SH3RF3: variants seen among roughly 807,000 people sequenced by gnomAD.
SH3RF3 encodes SH3 domain containing ring finger 3, also known as E3 ubiquitin-protein ligase SH3RF3.
A neutral mutation model predicts 66.3 loss-of-function variants in SH3RF3; 29 were observed. The ratio of observed to expected loss-of-function variants is 0.44; its 90% CI spans 0.33 to 0.60. SH3RF3 has a LOEUF of 0.60. Ranked by LOEUF, SH3RF3 falls within the 20% of genes least tolerant of loss-of-function variation. The pLI is 0.04. For missense variants in SH3RF3, 1,194 were observed against 1,190.9 expected (o/e 1.00, Z -0.04); for synonymous variants, 583 against 532.0 (o/e 1.10, Z -1.32).
intron 1 of SH3RF3, among the ~76,000 whole-genome samples, chr2:109,224,219 G>T (rs187525217): frequency 1.3e-5 from 2 of 152,270 alleles, no homozygotes; most frequent in East Asian, 3.9e-4. Context: ...TTTAAACTTG[G>T]CTTGAATAGC....
chr2:109,496,066 G>A (rs1022505615), intron 9 of SH3RF3, among the ~76,000 whole-genome samples: 2 of 152,148 alleles, frequency 1.3e-5, no homozygotes, highest in African/African-American at 4.8e-5. Context: ...GTTGCCCTGG[G>A]GTGGCCAGCT....
intron 8 of SH3RF3, among the ~76,000 whole-genome samples, chr2:109,456,033 A>T (rs953732459): frequency 1.4e-4 from 21 of 152,226 alleles, no homozygotes; most frequent in African/African-American, 5.1e-4. Context: ...CCCTTGGCCC[A>T]TGCTCTGTCA....
chr2:109,451,002 A>G (rs893837259), intron 8 of SH3RF3, among the ~76,000 whole-genome samples: 4 of 152,228 alleles, frequency 2.6e-5, no homozygotes, highest in Middle Eastern at 3.4e-3. Context: ...TCTGCCCATC[A>G]CCCTGGAGGC....
At chr2:109,292,220 A>G (rs1681200566) in intron 1 of SH3RF3, among the ~76,000 whole-genome samples, 1 of 152,246 alleles carries the variant, frequency 6.6e-6, no homozygotes, top group Non-Finnish European at 1.5e-5. Context: ...TGTTCTCTAC[A>G]GAAAATTTGT....
At chr2:109,416,823 C>T (rs1179950063) in intron 4 of SH3RF3, among the ~76,000 whole-genome samples, 1 of 151,198 alleles carries the variant, frequency 6.6e-6, no homozygotes, top group Non-Finnish European at 1.5e-5. Flanking sequence ...GGAGAATCGC[C>T]TGAGCCCAGA....
At chr2:109,215,158 C>G (rs778553635) in intron 1 of SH3RF3, among the ~76,000 whole-genome samples, 2 of 152,218 alleles carry the variant, frequency 1.3e-5, no homozygotes, top group Non-Finnish European at 2.9e-5. Flanking sequence ...CTGTGTTTCT[C>G]TCTCTCTGAG....
At chr2:109,366,247 A>G (rs376503485) in intron 2 of SH3RF3, among the ~76,000 whole-genome samples, 8 of 152,314 alleles carry the variant, frequency 5.3e-5, no homozygotes, top group African/African-American at 1.4e-4. Context: ...GCACCATGCA[A>G]ATGGGTTTGT....
intron 8 of SH3RF3, among the ~76,000 whole-genome samples, chr2:109,474,027 CT>C (rs1292551596): frequency 3.9e-5 from 6 of 152,150 alleles, no homozygotes; most frequent in Non-Finnish European, 8.8e-5. Flanking sequence ...ATGCTGGAGA[CT>C]TTCTGTGCCT....
At chr2:109,432,845 G>A (rs562920181) in intron 6 of SH3RF3, among the ~76,000 whole-genome samples, 174 bp downstream of exon 6, 1 of 152,270 alleles carries the variant, frequency 6.6e-6, no homozygotes, top group Non-Finnish European at 1.5e-5. Context: ...CACCTTCTGA[G>A]CTGGGTTTGC....
intron 3 of SH3RF3, among the ~76,000 whole-genome samples, chr2:109,391,422 C>A (rs1013684095): frequency 6.6e-6 from 1 of 152,176 alleles, no homozygotes; most frequent in Non-Finnish European, 1.5e-5. Context: ...GGGAGGGGTG[C>A]GGGTCACCCA....
chr2:109,484,259 G>A (rs1303284054), intron 8 of SH3RF3, among the ~76,000 whole-genome samples: 1 of 152,070 alleles, frequency 6.6e-6, no homozygotes. Context: ...TAGAGATGGG[G>A]TTTCACCATG....
intron 6 of SH3RF3, 131 bp from the exon 7 acceptor site, chr2:109,436,762 G>T: frequency 1.4e-6 from 2 of 1,387,608 alleles, no homozygotes; most frequent in Admixed American, 2.6e-5. Flanking sequence ...ATTGTTTTAG[G>T]ACCTCGTCCC....
intron 1 of SH3RF3, among the ~76,000 whole-genome samples, chr2:109,142,650 T>C (rs1434766674): frequency 1.3e-5 from 2 of 152,114 alleles, no homozygotes; most frequent in Non-Finnish European, 2.9e-5. Context: ...GGCTGCATCT[T>C]GGAGCCCTCC....
chr2:109,478,605 C>T (rs1678752537), intron 8 of SH3RF3, among the ~76,000 whole-genome samples: 2 of 152,186 alleles, frequency 1.3e-5, no homozygotes, highest in South Asian at 4.1e-4. Flanking sequence ...TCCAACATTT[C>T]TGTCAACTTT....
At chr2:109,268,254 C>T (rs1680543473) in intron 1 of SH3RF3, among the ~76,000 whole-genome samples, 1 of 151,702 alleles carries the variant, frequency 6.6e-6, no homozygotes, top group Admixed American at 6.6e-5. Flanking sequence ...TGAGCCCTGC[C>T]TGCTGAAGTG....
chr2:109,215,186 A>G (rs1473170360), intron 1 of SH3RF3, among the ~76,000 whole-genome samples: 2 of 152,224 alleles, frequency 1.3e-5, no homozygotes, highest in African/African-American at 4.8e-5. Flanking sequence ...CAATTATGGA[A>G]TAAGAAGTCT....
chr2:109,223,568 C>T (rs1461319510), intron 1 of SH3RF3, among the ~76,000 whole-genome samples: 3 of 151,990 alleles, frequency 2.0e-5, no homozygotes, highest in Admixed American at 1.3e-4. Context: ...GCTTCAGCTG[C>T]GGGCTCCATT....
At chr2:109,425,040 G>A (rs955831314) in intron 5 of SH3RF3, among the ~76,000 whole-genome samples, 1 of 152,224 alleles carries the variant, frequency 6.6e-6, no homozygotes, top group Non-Finnish European at 1.5e-5. Context: ...GGGAACACAC[G>A]AATTATAAGA....
At chr2:109,299,102 G>A (rs2105389251) in intron 1 of SH3RF3, among the ~76,000 whole-genome samples, 1 of 152,268 alleles carries the variant, frequency 6.6e-6, no homozygotes, top group East Asian at 1.9e-4. Context: ...GGCTCCCCCA[G>A]GGCATTTGCA....
Sources: gnomAD v4.1 joint callset for allele counts (sites outside exome capture counted in the v4.1 genomes callset) on GRCh38, gnomAD v4.1.1 for gene constraint, MANE v1.5 for transcripts, NCBI Gene and HGNC (gene_info 2026-07-23, HGNC 2026-07-21) for gene names.